Variants in PDS5A observed in about 807,000 individuals in gnomAD.
PDS5A encodes PDS5 cohesin associated factor A.
A neutral mutation model predicts 167.1 loss-of-function variants in PDS5A; 42 were observed. The observed-to-expected ratio is 0.25, with a 90% CI of 0.20 to 0.33. The LOEUF (loss-of-function observed/expected upper bound fraction) is 0.33. Ranked by LOEUF, PDS5A falls within the 10% of genes least tolerant of loss-of-function variation. The pLI, the probability that PDS5A is intolerant of heterozygous loss-of-function variation, is 1.00. For synonymous variants in PDS5A, 553 were observed against 554.6 expected (o/e 1.00, Z 0.04); for missense variants, 1,033 against 1,605.9 (o/e 0.64, Z 6.10).
rs967361083 is a variant in PDS5A, at chr4:39,959,436, T to C, written c.138+17004A>G. 4.7e-4 allele frequency among the ~76,000 whole-genome samples: 72 copies of C among 152,142 alleles called. 2 individuals carry two copies. Among genetic ancestry groups the C allele is most frequent in the Non-Finnish European group, 1.5e-4 (10 of 68,032 alleles). ...GCACGATCATGACCACTGCAGCCTC[T>C]ACCTCCCCAGGCTCAGGTGATCCTT... On this transcript the variant is annotated intron_variant, in intron 2 of 32. Transcript: ENST00000303538.
intron 31 of PDS5A, among the ~76,000 whole-genome samples, chr4:39,840,131 A>C (rs1716851526): frequency 6.6e-6 from 1 of 152,018 alleles, no homozygotes; most frequent in Admixed American, 6.6e-5. Context: ...CAAAAAAAAA[A>C]CAACTGAAAG....
intron 26 of PDS5A, among the ~76,000 whole-genome samples, chr4:39,853,195 C>T (rs1196840248): frequency 6.6e-6 from 1 of 152,110 alleles, no homozygotes; most frequent in African/African-American, 2.4e-5. Flanking sequence ...CTTGTCTTGG[C>T]CTCTCAACAT....
chr4:39,887,612 A>C (rs1160705300), intron 17 of PDS5A, among the ~76,000 whole-genome samples: 1 of 152,202 alleles, frequency 6.6e-6, no homozygotes, highest in African/African-American at 2.4e-5. Context: ...CTAGTGGATG[A>C]AACTACTAGC....
At chr4:39,917,926 T>C (rs1022006280) in intron 7 of PDS5A, among the ~76,000 whole-genome samples, 3 of 143,496 alleles carry the variant, frequency 2.1e-5, no homozygotes, top group African/African-American at 2.5e-5. Context: ...ACGCCTGTAA[T>C]CCCAGCACTT....
In PDS5A at chr4:39,976,539, G is replaced by A. The variant is rs1226868048; in HGVS notation, c.39C>T (p.Leu13=). The A allele has an allele frequency of 1.2e-6, 2 of 1,613,518 alleles. No homozygotes were observed. The highest frequency in any genetic ancestry group is 1.3e-5 in the African/African-American group (1 of 75,062). Residue 13 remains leucine, a synonymous_variant, in exon 2 of 33, where the codon CTC becomes CTT. Transcript: ENST00000303538. ...FTAQPKPATA[L]CGVVSADGKI... ...TCCCGTCGGCACTCACGACGCCACA[G>A]AGGGCAGTGGCAGGCTTGGGCTGCG...
At chr4:39,976,639 T>C (rs1203794952) in intron 1 of PDS5A, 22 bp from the exon 2 acceptor site, 2 of 1,385,152 alleles carry the variant, frequency 1.4e-6, no homozygotes, top group Non-Finnish European at 2.0e-6. Flanking sequence ...AAAACCAAAG[T>C]TCAGCGGGAA....
chr4:39,876,903 C>G (rs999687092), intron 19 of PDS5A, 90 bp downstream of exon 19: 2 of 938,214 alleles, frequency 2.1e-6, no homozygotes, highest in Non-Finnish European at 3.1e-6. Flanking sequence ...TTCTTCCCTC[C>G]TATCTTCCTA....
intron 26 of PDS5A, among the ~76,000 whole-genome samples, chr4:39,850,405 G>A (rs1331793242): frequency 2.6e-5 from 4 of 152,044 alleles, no homozygotes; most frequent in Admixed American, 6.6e-5. Flanking sequence ...TGGGAGGATC[G>A]CTTGTGGTTG....
chr4:39,862,158 T>C, intron 26 of PDS5A, 61 bp downstream of exon 26: 1 of 592,222 alleles, frequency 1.7e-6, no homozygotes, highest in Non-Finnish European at 2.9e-6. Flanking sequence ...AAACAAAAAA[T>C]TTACCATTTT....
chr4:39,917,272 T>C lies in PDS5A; in HGVS notation c.736-84A>G, dbSNP rs193203501. On this transcript the variant is annotated intron_variant, in intron 7 of 32. Coordinates refer to ENST00000303538, the MANE Select transcript of PDS5A (RefSeq NM_001100399.2). Reference sequence around the variant, plus strand: ...ATTTTTAATAAACATTTTTTATAAATAATTTAATTAGGTATTACATATACA... The same window carrying C: ...ATTTTTAATAAACATTTTTTATAAACAATTTAATTAGGTATTACATATACA... 3.1e-4 allele frequency: 273 copies of C among 874,588 alleles called. 1 individual carries two copies. Among genetic ancestry groups the C allele is most frequent in the African/African-American group, 2.6e-3 (147 of 55,690 alleles). 54.2% of individuals were successfully genotyped at this position (874,588 alleles called of 1,614,324 possible).
intron 2 of PDS5A, among the ~76,000 whole-genome samples, chr4:39,968,195 C>T (rs1730163586): frequency 6.6e-6 from 1 of 151,960 alleles, no homozygotes. Context: ...CTCAAGTGAT[C>T]TGCCCGTTTC....
At chr4:39,831,875 CAAAAAAA>C (rs58913167) in intron 32 of PDS5A, among the ~76,000 whole-genome samples, 14 of 25,926 alleles carry the variant, frequency 5.4e-4, no homozygotes, top group Admixed American at 1.4e-3. Flanking sequence ...AAACTCGTCT[CAAAAAAA>C]AAAAAAAAAA....
At chr4:39,855,652 G>A (rs1280756811) in intron 26 of PDS5A, among the ~76,000 whole-genome samples, 1 of 152,062 alleles carries the variant, frequency 6.6e-6, no homozygotes, top group African/African-American at 2.4e-5. Context: ...TAATTAAAAG[G>A]AACCAAGTAG....
intron 26 of PDS5A, among the ~76,000 whole-genome samples, chr4:39,851,855 T>C (rs1382770052): frequency 6.6e-6 from 1 of 152,230 alleles, no homozygotes; most frequent in East Asian, 1.9e-4. Context: ...TGAGTTTCTA[T>C]TAACTTGAAG....
At chr4:39,946,218 A>AG (rs1342352848) in intron 2 of PDS5A, among the ~76,000 whole-genome samples, 1 of 150,996 alleles carries the variant, frequency 6.6e-6, no homozygotes. Context: ...ATAAAAAAAA[A>AG]AAAAGAAAGA....
At chr4:39,928,285 C>CA in intron 2 of PDS5A, 121 bp from the exon 3 acceptor site, 1 of 500,962 alleles carries the variant, frequency 2.0e-6, no homozygotes, top group Non-Finnish European at 3.6e-6. Context: ...AGACAGTTCA[C>CA]AGTCAACTTT....
chr4:39,899,153 T>C (rs936031107), intron 14 of PDS5A, among the ~76,000 whole-genome samples: 1 of 152,156 alleles, frequency 6.6e-6, no homozygotes, highest in Non-Finnish European at 1.5e-5. Context: ...TATAAACTTA[T>C]CATATCAGAA....
Position 39,920,217 on chromosome 4 carries a change from T to C in PDS5A, c.735+102A>G, listed in dbSNP as rs533123273. 22 of 506,992 alleles carry C rather than the reference T, an allele frequency of 4.3e-5. No individual in the cohort carries two copies. The Admixed American group carries it at 8.2e-4, about 19-fold the overall frequency. 31.4% of individuals were successfully genotyped at this position (506,992 alleles called of 1,614,324 possible). ...TCACATCTGGACATAAGTTATTTTA[T>C]ATTTATAAGCTAAATAAACTTTTAT... On this transcript the variant is annotated intron_variant, in intron 7 of 32. Transcript: ENST00000303538.
chr4:39,951,921 T>A (rs1263297964), intron 2 of PDS5A, among the ~76,000 whole-genome samples: 23 of 95,092 alleles, frequency 2.4e-4, no homozygotes, highest in East Asian at 4.4e-4. Flanking sequence ...AAAAAAAAAA[T>A]CTGTATCACT....
Sources: allele counts gnomAD v4.1 joint callset (sites outside exome capture counted in the v4.1 genomes callset), GRCh38; gene constraint gnomAD v4.1.1; transcripts MANE v1.5; gene names NCBI Gene and HGNC (gene_info 2026-07-23, HGNC 2026-07-21).